TIAM2: variants seen among roughly 807,000 people sequenced by gnomAD.
TIAM2 encodes the protein TIAM Rac1 associated GEF 2.
In TIAM2, 80 loss-of-function variants were observed where a neutral mutation model predicts 152.9. The ratio of observed to expected loss-of-function variants is 0.52; its 90% CI spans 0.44 to 0.63. The LOEUF is 0.63. Ranked by LOEUF, TIAM2 falls within the 30% of genes least tolerant of loss-of-function variation. The probability of loss-of-function intolerance (pLI) is 0.00; values close to 1 mark genes in which losing one functional copy is unlikely to be tolerated. For synonymous variants in TIAM2, 804 were observed against 838.0 expected (o/e 0.96, Z 0.70); for missense variants, 1,965 against 2,120.1 (o/e 0.93, Z 1.44).
intron 1 of TIAM2, among the ~76,000 whole-genome samples, chr6:155,057,277 G>A (rs1433856712): frequency 1.3e-5 from 2 of 151,118 alleles, no homozygotes; most frequent in Admixed American, 6.6e-5. Flanking sequence ...TAACTTAAGC[G>A]ATTTGCCCGC....
intron 1 of TIAM2, among the ~76,000 whole-genome samples, chr6:155,054,175 C>CAAACAAAACA (rs146303429): frequency 7.9e-5 from 12 of 151,818 alleles, no homozygotes; most frequent in African/African-American, 2.2e-4. Context: ...CTGCATCTCA[C>CAAACAAAACA]AAACAAAACA....
In TIAM2 at chr6:155,025,077, C is replaced by T. The variant is rs190455117; in HGVS notation, c.-209+29585C>T. ...AGTCTGGCTCTGTCACCCAGGCTGG[C>T]GTACGGTGGCATGATCTCGGCTCAC... On this transcript the variant is annotated intron_variant, in intron 1 of 26. Coordinates refer to ENST00000682666, the MANE Select transcript of TIAM2 (RefSeq NM_012454.4). Among the ~76,000 whole-genome samples the T allele has an allele frequency of 2.4e-4, 37 of 151,716 alleles. No individual in the cohort carries two copies. The East Asian group carries it at 6.2e-3, about 25-fold the overall frequency.
At chr6:155,061,626 T>C (rs552045062) in intron 1 of TIAM2, among the ~76,000 whole-genome samples, 9 of 152,316 alleles carry the variant, frequency 5.9e-5, no homozygotes, top group African/African-American at 2.2e-4. Context: ...GCAGTGTTTG[T>C]GTAGTTTGTG....
At chr6:155,064,426 T>G (rs1355625746) in intron 1 of TIAM2, among the ~76,000 whole-genome samples, 12 of 152,216 alleles carry the variant, frequency 7.9e-5, no homozygotes, top group Non-Finnish European at 1.5e-4. Flanking sequence ...TCTGGGTTTA[T>G]GTATCCAGCT....
At chr6:155,095,827 A>G (rs1041806719) in intron 2 of TIAM2, among the ~76,000 whole-genome samples, 2 of 152,240 alleles carry the variant, frequency 1.3e-5, no homozygotes, top group African/African-American at 4.8e-5. Context: ...TTATAACTTT[A>G]ACTACAATTA....
At chr6:155,029,422 T>G (rs1562295063) in intron 1 of TIAM2, among the ~76,000 whole-genome samples, 2 of 77,450 alleles carry the variant, frequency 2.6e-5, no homozygotes, top group African/African-American at 9.8e-5. Context: ...ATATACTATA[T>G]ATACTATAGT....
chr6:155,128,212 A>C (rs1779341643), intron 3 of TIAM2, among the ~76,000 whole-genome samples: 1 of 152,126 alleles, frequency 6.6e-6, no homozygotes, highest in African/African-American at 2.4e-5. Context: ...TCATATTCTA[A>C]AGTGAAGATA....
chr6:155,168,715 G>A (rs73795336), intron 9 of TIAM2: 79,956 of 737,094 alleles, frequency 0.11, 4,969 homozygotes, highest in Non-Finnish European at 0.13. Flanking sequence ...TTAGAATAAT[G>A]ATACAAATTG....
chr6:155,253,391 G>A, intron 24 of TIAM2: 1 of 260,576 alleles, frequency 3.8e-6, no homozygotes, highest in Non-Finnish European at 7.3e-6. Context: ...GAATATAGCA[G>A]AAAATTCCTT....
intron 2 of TIAM2, among the ~76,000 whole-genome samples, chr6:155,109,641 C>T (rs1583194769): frequency 6.6e-6 from 1 of 152,290 alleles, no homozygotes; most frequent in African/African-American, 2.4e-5. Context: ...ATTGAACACT[C>T]ATTTTTCAGG....
intron 4 of TIAM2, 124 bp downstream of exon 4, chr6:155,130,541 G>A: frequency 1.2e-6 from 1 of 845,586 alleles, no homozygotes; most frequent in African/African-American, 1.7e-5. Context: ...AAAGTGAAGA[G>A]TTCAGTGGAA....
At chr6:155,184,504 T>A (rs909424725) in intron 14 of TIAM2, among the ~76,000 whole-genome samples, 4 of 152,214 alleles carry the variant, frequency 2.6e-5, no homozygotes, top group Non-Finnish European at 4.4e-5. Context: ...ACCAGTAGTT[T>A]CGCTTTATAC....
intron 2 of TIAM2, among the ~76,000 whole-genome samples, chr6:155,094,454 A>T (rs1473492195): frequency 6.6e-6 from 1 of 151,718 alleles, no homozygotes; most frequent in African/African-American, 2.4e-5. Flanking sequence ...TTTTGGATGT[A>T]TGCCGAAGTA....
At chr6:155,243,715 A>G (rs1232100087) in intron 16 of TIAM2, among the ~76,000 whole-genome samples, 1 of 151,716 alleles carries the variant, frequency 6.6e-6, no homozygotes, top group Non-Finnish European at 1.5e-5. Flanking sequence ...AGTGTGGTGG[A>G]GCACACCTGT....
intron 13 of TIAM2, among the ~76,000 whole-genome samples, 168 bp downstream of exon 13, chr6:155,182,486 T>A (rs1244430374): frequency 6.6e-6 from 1 of 152,156 alleles, no homozygotes; most frequent in Non-Finnish European, 1.5e-5. Flanking sequence ...ACACAGCGGC[T>A]CGCTCGCATA....
intron 21 of TIAM2, 84 bp from the exon 22 acceptor site, chr6:155,250,829 G>T: frequency 7.2e-7 from 1 of 1,380,414 alleles, no homozygotes; most frequent in South Asian, 1.2e-5. Flanking sequence ...TTTTAGCAAT[G>T]ACTGTGTGTA....
chr6:155,201,462 C>T (rs1011631162), intron 14 of TIAM2, among the ~76,000 whole-genome samples: 7 of 152,110 alleles, frequency 4.6e-5, no homozygotes, highest in Non-Finnish European at 1.0e-4. Context: ...AGTGGGTGTC[C>T]GTTTCCTTGC....
chr6:155,026,421 C>T (rs968413223), intron 1 of TIAM2, among the ~76,000 whole-genome samples: 8 of 152,164 alleles, frequency 5.3e-5, no homozygotes, highest in African/African-American at 1.9e-4. Context: ...TTTTTTTTCC[C>T]TCCTGGTGGG....
intron 1 of TIAM2, among the ~76,000 whole-genome samples, chr6:155,009,851 C>CT (rs952443908): frequency 3.0e-4 from 45 of 149,490 alleles, no homozygotes; most frequent in South Asian, 4.3e-4. Flanking sequence ...TCTGTATACT[C>CT]TTTTTTTTTT....
Sources: allele counts gnomAD v4.1 joint callset (sites outside exome capture counted in the v4.1 genomes callset), GRCh38; gene constraint gnomAD v4.1.1; transcripts MANE v1.5; gene names NCBI Gene and HGNC (gene_info 2026-07-23, HGNC 2026-07-21).